PDE4B: variants seen among roughly 807,000 people sequenced by gnomAD.
PDE4B encodes 3',5'-cyclic-AMP phosphodiesterase 4B.
In PDE4B, 20 loss-of-function variants were observed where a neutral mutation model predicts 82.2. That is an observed-to-expected ratio of 0.24 (90% CI 0.17 to 0.35). PDE4B has a LOEUF of 0.35. Among genes scored for constraint, PDE4B ranks in the 10% least tolerant of loss-of-function variants. PDE4B has a pLI of 1.00. For missense variants in PDE4B, 655 were observed against 907.2 expected (o/e 0.72, Z 3.57); for synonymous variants, 320 against 318.9 (o/e 1.00, Z -0.04).
chr1:65,862,167 A>G (rs143653688), intron 1 of PDE4B, among the ~76,000 whole-genome samples: 2,749 of 152,188 alleles, frequency 0.018, 82 homozygotes, highest in African/African-American at 0.062. Flanking sequence ...CCCATTCAGT[A>G]TGATATTGGC....
chr1:66,063,137 C>T (rs1655669905), intron 3 of PDE4B, among the ~76,000 whole-genome samples: 2 of 151,988 alleles, frequency 1.3e-5, no homozygotes, highest in Non-Finnish European at 2.9e-5. Context: ...GTTTCATGCC[C>T]TAGTAGTTTT....
At chr1:65,972,767 AG>A (rs1375527613) in intron 3 of PDE4B, among the ~76,000 whole-genome samples, 6 of 152,174 alleles carry the variant, frequency 3.9e-5, no homozygotes, top group African/African-American at 1.4e-4. Flanking sequence ...TCCTTTATTT[AG>A]ATGCAGTTCC....
chr1:66,294,607 A>G (rs1657364678), intron 7 of PDE4B, among the ~76,000 whole-genome samples: 1 of 152,218 alleles, frequency 6.6e-6, no homozygotes, highest in African/African-American at 2.4e-5. Context: ...AGTAAAAGAG[A>G]TAAAAGAAAT....
intron 1 of PDE4B, among the ~76,000 whole-genome samples, chr1:65,823,351 G>A (rs1164439146): frequency 2.1e-5 from 3 of 139,604 alleles, no homozygotes; most frequent in South Asian, 2.3e-4. Flanking sequence ...AGCCAAGATC[G>A]CACCATTGTA....
chr1:66,336,193 C>A (rs1300944217), intron 8 of PDE4B, among the ~76,000 whole-genome samples: 1 of 152,122 alleles, frequency 6.6e-6, no homozygotes, highest in Non-Finnish European at 1.5e-5. Context: ...GGAGGAATGG[C>A]GCAGCTGCTG....
At chr1:65,891,188 C>T (rs1173884018) in intron 1 of PDE4B, among the ~76,000 whole-genome samples, 1 of 152,052 alleles carries the variant, frequency 6.6e-6, no homozygotes, top group Non-Finnish European at 1.5e-5. Flanking sequence ...CTACAGGACC[C>T]TTGAGACCAG....
intron 3 of PDE4B, among the ~76,000 whole-genome samples, chr1:66,137,102 G>C (rs924952418): frequency 6.6e-6 from 1 of 152,152 alleles, no homozygotes; most frequent in Non-Finnish European, 1.5e-5. Flanking sequence ...GGAGATGTGG[G>C]GTCAATATAG....
intron 1 of PDE4B, among the ~76,000 whole-genome samples, chr1:65,829,653 G>C (rs943632879): frequency 1.3e-5 from 2 of 152,076 alleles, no homozygotes; most frequent in Non-Finnish European, 2.9e-5. Flanking sequence ...AAGATCTATT[G>C]AAAATCCTTC....
intron 3 of PDE4B, among the ~76,000 whole-genome samples, chr1:66,176,183 C>G (rs892888202): frequency 2.6e-5 from 4 of 152,174 alleles, no homozygotes; most frequent in Non-Finnish European, 4.4e-5. Context: ...TCAACAAAGG[C>G]AAGATTTCCC....
At chr1:65,889,047 A>G (rs537753560) in intron 1 of PDE4B, among the ~76,000 whole-genome samples, 28 of 152,136 alleles carry the variant, frequency 1.8e-4, no homozygotes, top group Admixed American at 1.2e-3. Context: ...AGCTTTCCCC[A>G]TTCAGTATGA....
intron 3 of PDE4B, among the ~76,000 whole-genome samples, chr1:66,046,051 G>A (rs898807838): frequency 6.6e-6 from 1 of 151,702 alleles, no homozygotes; most frequent in African/African-American, 2.4e-5. Flanking sequence ...GTGCAGAAGA[G>A]ATATTTGAAA....
At chr1:65,944,070 C>G (rs1648579491) in intron 3 of PDE4B, among the ~76,000 whole-genome samples, 1 of 151,878 alleles carries the variant, frequency 6.6e-6, no homozygotes, top group Admixed American at 6.6e-5. Flanking sequence ...TGATTCATAT[C>G]TTAGAGGGAA....
At chr1:66,336,773 A>G (rs559360958) in intron 8 of PDE4B, among the ~76,000 whole-genome samples, 1 of 152,344 alleles carries the variant, frequency 6.6e-6, no homozygotes, top group East Asian at 1.9e-4. Flanking sequence ...GATAACCATC[A>G]TGAGGAAGTG....
intron 3 of PDE4B, among the ~76,000 whole-genome samples, chr1:66,028,732 G>A (rs555345843): frequency 6.6e-6 from 1 of 152,222 alleles, no homozygotes; most frequent in South Asian, 2.1e-4. Context: ...CTCTAGGGGA[G>A]GGGCAAAATG....
intron 8 of PDE4B, among the ~76,000 whole-genome samples, chr1:66,339,555 A>G (rs1168476011): frequency 6.6e-6 from 1 of 152,244 alleles, no homozygotes; most frequent in Non-Finnish European, 1.5e-5. Context: ...TAAAAAACAA[A>G]CAGAAATGAA....
chr1:65,801,439 G>C (rs1242393586), intron 1 of PDE4B, among the ~76,000 whole-genome samples: 1 of 152,096 alleles, frequency 6.6e-6, no homozygotes, highest in Non-Finnish European at 1.5e-5. Flanking sequence ...ATTTTTGAAG[G>C]ATAAAATTAG....
intron 8 of PDE4B, among the ~76,000 whole-genome samples, chr1:66,346,220 A>G (rs1317023817): frequency 6.6e-6 from 1 of 152,252 alleles, no homozygotes; most frequent in African/African-American, 2.4e-5. Flanking sequence ...CACCTGAGCC[A>G]CATATTCAAT....
At chr1:65,987,006 G>A (rs1461507892) in intron 3 of PDE4B, among the ~76,000 whole-genome samples, 1 of 152,186 alleles carries the variant, frequency 6.6e-6, no homozygotes, top group Non-Finnish European at 1.5e-5. Context: ...GGAGGCCAGT[G>A]TGGCTGAAGA....
chr1:66,015,998 G>T (rs758569483), intron 3 of PDE4B, among the ~76,000 whole-genome samples: 1 of 152,180 alleles, frequency 6.6e-6, no homozygotes, highest in Non-Finnish European at 1.5e-5. Flanking sequence ...AAGACAAAAT[G>T]CTTATGTTTA....
Sources: allele counts gnomAD v4.1 joint callset (sites outside exome capture counted in the v4.1 genomes callset), GRCh38; gene constraint gnomAD v4.1.1; transcripts MANE v1.5; gene names NCBI Gene and HGNC (gene_info 2026-07-23, HGNC 2026-07-21).